Variants in ZFPM2 observed in about 807,000 individuals in gnomAD.
The protein encoded by ZFPM2 is zinc finger protein, FOG family member 2.
ZFPM2 carries 20 observed loss-of-function variants against 98.6 expected under a neutral mutation model. The ratio of observed to expected loss-of-function variants is 0.20; its 90% CI spans 0.14 to 0.29. ZFPM2 has a LOEUF of 0.29. Among genes scored for constraint, ZFPM2 ranks in the 10% least tolerant of loss-of-function variants. The pLI is 1.00. For synonymous variants in ZFPM2, 518 were observed against 502.7 expected (o/e 1.03, Z -0.41); for missense variants, 1,310 against 1,388.6 (o/e 0.94, Z 0.90).
intron 1 of ZFPM2, among the ~76,000 whole-genome samples, chr8:105,340,174 C>T (rs544927244): frequency 4.6e-5 from 7 of 151,928 alleles, no homozygotes; most frequent in African/African-American, 1.7e-4. Context: ...TTTAGATAAC[C>T]TCGATGTTAT....
At position 105,393,324 on chromosome 8, in the gene ZFPM2, C is replaced by CTG. The variant is rs1366659949; in HGVS notation, c.41-25819_41-25818insGT. 3.2e-4 allele frequency among the ~76,000 whole-genome samples: 20 copies of CTG among 62,152 alleles called. No individual in the cohort carries two copies. The East Asian group carries it at 4.9e-3, about 15-fold the overall frequency. The allele number at this position is 62,152 out of a possible 152,430, so 40.8% of individuals were successfully genotyped here. ...TCCTTCCTTCCTTTCTTCCTTCCCT[C>CTG]TCTCTCTCTTTGCCTTTCTTTCTTT... On this transcript the variant is annotated intron_variant, in intron 1 of 7. Coordinates refer to ENST00000407775, the MANE Select transcript of ZFPM2 (RefSeq NM_012082.4).
chr8:105,403,671 T>A (rs1052347621), intron 1 of ZFPM2, among the ~76,000 whole-genome samples: 17 of 152,014 alleles, frequency 1.1e-4, no homozygotes, highest in African/African-American at 3.6e-4. Context: ...ACTTAACATA[T>A]ACATTTTTAA....
chr8:105,603,038 A>C (rs1471538135), intron 4 of ZFPM2, among the ~76,000 whole-genome samples: 1 of 152,168 alleles, frequency 6.6e-6, no homozygotes, highest in African/African-American at 2.4e-5. Flanking sequence ...ACTATGATAC[A>C]TGGAGAATAG....
At chr8:105,624,552 T>G (rs2130822842) in intron 4 of ZFPM2, among the ~76,000 whole-genome samples, 1 of 152,314 alleles carries the variant, frequency 6.6e-6, no homozygotes, top group African/African-American at 2.4e-5. Flanking sequence ...CATCTAGAGA[T>G]TCTTCCCATT....
intron 1 of ZFPM2, among the ~76,000 whole-genome samples, chr8:105,347,392 T>A (rs1218904149): frequency 1.3e-5 from 2 of 152,178 alleles, no homozygotes; most frequent in Non-Finnish European, 2.9e-5. Context: ...ACTTTTACTC[T>A]ATGGAGTTAA....
At chr8:105,704,004 A>G (rs1285044658) in intron 5 of ZFPM2, among the ~76,000 whole-genome samples, 1 of 152,128 alleles carries the variant, frequency 6.6e-6, no homozygotes, top group African/African-American at 2.4e-5. Context: ...CAAGCAGGTA[A>G]TAAATCCTGA....
At chr8:105,319,037 C>A in intron 1 of ZFPM2, 56 bp downstream of exon 1, 1 of 1,460,110 alleles carries the variant, frequency 6.8e-7, no homozygotes, top group Middle Eastern at 2.0e-4. Flanking sequence ...GAGCGGGGTG[C>A]GCGGGACGGG....
chr8:105,690,068 C>G (rs1008769525), intron 5 of ZFPM2, among the ~76,000 whole-genome samples: 1 of 152,140 alleles, frequency 6.6e-6, no homozygotes, highest in Non-Finnish European at 1.5e-5. Context: ...ATAGAATATC[C>G]TAAGGAACTT....
intron 1 of ZFPM2, among the ~76,000 whole-genome samples, chr8:105,372,023 AT>A (rs1810631856): frequency 2.3e-5 from 1 of 43,574 alleles, no homozygotes; most frequent in African/African-American, 5.0e-5. Flanking sequence ...TATTATTATT[AT>A]TATTATTATT....
At chr8:105,523,457 GC>G (rs1386109104) in intron 3 of ZFPM2, among the ~76,000 whole-genome samples, 9 of 152,122 alleles carry the variant, frequency 5.9e-5, no homozygotes, top group Non-Finnish European at 1.0e-4. Context: ...CTCTTGTGTT[GC>G]CCCTCCCCAC....
intron 1 of ZFPM2, among the ~76,000 whole-genome samples, chr8:105,379,908 C>T (rs1810810382): frequency 6.6e-6 from 1 of 152,000 alleles, no homozygotes; most frequent in Admixed American, 6.6e-5. Context: ...AAACTATAGT[C>T]CTATCATAGG....
intron 5 of ZFPM2, among the ~76,000 whole-genome samples, chr8:105,714,030 T>A (rs192685401): frequency 1.2e-3 from 184 of 152,218 alleles, no homozygotes; most frequent in African/African-American, 4.2e-3. Flanking sequence ...TGGTGTTGAA[T>A]CTGTAGATTG....
At chr8:105,357,485 T>A (rs1203835289) in intron 1 of ZFPM2, among the ~76,000 whole-genome samples, 1 of 152,232 alleles carries the variant, frequency 6.6e-6, no homozygotes, top group African/African-American at 2.4e-5. Flanking sequence ...AAGCGTTTAC[T>A]TCAGGTCTTG....
At chr8:105,650,263 C>T (rs186316068) in intron 5 of ZFPM2, among the ~76,000 whole-genome samples, 3 of 152,038 alleles carry the variant, frequency 2.0e-5, no homozygotes, top group African/African-American at 4.8e-5. Context: ...TGATTCTTCT[C>T]TCTTTCCTTC....
intron 3 of ZFPM2, among the ~76,000 whole-genome samples, chr8:105,487,504 G>A (rs568265469): frequency 8.5e-5 from 13 of 152,192 alleles, no homozygotes; most frequent in African/African-American, 2.9e-4. Flanking sequence ...TACAGAACAC[G>A]ATTTACAGAA....
intron 1 of ZFPM2, among the ~76,000 whole-genome samples, chr8:105,418,237 A>G (rs1273298261): frequency 6.6e-6 from 1 of 152,150 alleles, no homozygotes. Flanking sequence ...ACAAATTACC[A>G]TAATTGTGTT....
chr8:105,778,085 T>C (rs1164262486), intron 5 of ZFPM2, among the ~76,000 whole-genome samples: 1 of 152,188 alleles, frequency 6.6e-6, no homozygotes, highest in African/African-American at 2.4e-5. Flanking sequence ...CAAAGCGGTT[T>C]TCAAAGAAGG....
intron 3 of ZFPM2, among the ~76,000 whole-genome samples, chr8:105,455,076 G>A (rs1007057740): frequency 1.3e-5 from 2 of 152,096 alleles, no homozygotes; most frequent in African/African-American, 4.8e-5. Context: ...GTGCTGACAT[G>A]GTGTTCAAAA....
chr8:105,516,639 G>T (rs1189442946), intron 3 of ZFPM2, among the ~76,000 whole-genome samples: 2 of 152,154 alleles, frequency 1.3e-5, no homozygotes, highest in African/African-American at 4.8e-5. Flanking sequence ...TGTTTATAAT[G>T]ATGAAATGAA....
Sources: allele counts gnomAD v4.1 joint callset (sites outside exome capture counted in the v4.1 genomes callset), GRCh38; gene constraint gnomAD v4.1.1; transcripts MANE v1.5; gene names NCBI Gene and HGNC (gene_info 2026-07-23, HGNC 2026-07-21).